The following MPP1 variants were observed in gnomAD, a reference collection of about 807,000 sequenced individuals.
The protein encoded by MPP1 is MAGUK p55 scaffold protein 1, also known as 55 kDa erythrocyte membrane protein.
A neutral mutation model predicts 38.2 loss-of-function variants in MPP1; 6 were observed. The observed-to-expected ratio is 0.16, with a 90% CI of 0.09 to 0.31. The LOEUF is 0.31. MPP1 is among the 10% of genes least tolerant of loss of function. The pLI, the probability that MPP1 is intolerant of heterozygous loss-of-function variation, is 1.00. For missense variants in MPP1, 293 were observed against 368.9 expected (o/e 0.79, Z 1.69); for synonymous variants, 153 against 146.3 (o/e 1.05, Z -0.33).
chrX:154,793,522 C>T (rs2072164562), intron 1 of MPP1, among the ~76,000 whole-genome samples: 1 of 111,762 alleles, frequency 8.9e-6, no homozygotes, highest in Non-Finnish European at 1.9e-5. Flanking sequence ...GATAGATGGG[C>T]AGTTTTTGGA....
In MPP1 at chrX:154,792,247, C is replaced by T; in HGVS notation, c.141G>A (p.Met47Ile). 1 of 1,211,673 alleles carries T rather than the reference C, an allele frequency of 8.3e-7. No homozygotes were observed. Among genetic ancestry groups the T allele is most frequent in the South Asian group, 1.8e-5 (1 of 56,984 alleles). Residue 47 changes from methionine (M) to isoleucine (I), a missense_variant, in exon 2 of 12, where the codon ATG becomes ATA. By Grantham distance (10) the Met-to-Ile change is conservative. Transcript: ENST00000369534. ...SHPLNTVTED[M>I]YTNGSPAPGS... ...CTGGGGCAGGAGACCCGTTGGTGTA[C>T]ATGTCCTCGGTCACAGTATTCAATG...
rs2148545597 is a variant in MPP1 at position 154,805,429 on chromosome X, GC to G, written c.-57del. 2 of 1,076,197 alleles carry G rather than the reference GC, an allele frequency of 1.9e-6. No individual in the cohort carries two copies. Among genetic ancestry groups the G allele is most frequent in the East Asian group, 6.7e-5 (2 of 29,871 alleles). 88.7% of individuals were successfully genotyped at this position (1,076,197 alleles called of 1,213,427 possible). A position where few individuals can be genotyped will look rare whatever the true frequency, so the allele number is the denominator to read the frequency against. On this transcript the variant is annotated 5_prime_UTR_variant, in exon 1 of 12. Transcript: ENST00000369534. ...ACAGGGCAGCGCTGGGAATGACAGG[GC>G]CCGGGGCCTGCGGGGCTGCGGAGAA...
intron 5 of MPP1, among the ~76,000 whole-genome samples, chrX:154,787,552 T>C (rs782423979): frequency 5.2e-4 from 58 of 112,144 alleles, no homozygotes; most frequent in Non-Finnish European, 1.0e-3. Flanking sequence ...AAACTTGGAA[T>C]AGAAGGGAGG....
At chrX:154,779,407 A>T (rs2071962238) in intron 11 of MPP1, 54 bp from the exon 12 acceptor site, 13 of 1,103,816 alleles carry the variant, frequency 1.2e-5, no homozygotes, top group Non-Finnish European at 1.6e-5. Flanking sequence ...CAGCCCAGAG[A>T]GGCCAGTGAC....
At chrX:154,794,966 G>A (rs1239412953) in intron 1 of MPP1, among the ~76,000 whole-genome samples, 1 of 111,670 alleles carries the variant, frequency 9.0e-6, no homozygotes, top group African/African-American at 3.3e-5. Flanking sequence ...GCTGAGTGTG[G>A]TGGTGCAAGC....
chrX:154,801,752 C>G (rs2728539), intron 1 of MPP1, among the ~76,000 whole-genome samples: 1 of 25,652 alleles, frequency 3.9e-5, no homozygotes, highest in Non-Finnish European at 7.6e-5. Flanking sequence ...GAGCAAAACT[C>G]TGTCTCAAAA....
intron 9 of MPP1, 183 bp downstream of exon 9, chrX:154,783,244 A>G (rs1557266818): frequency 8.1e-6 from 2 of 247,708 alleles, no homozygotes. Flanking sequence ...CAATAAGAAA[A>G]CAGTTATTCT....
rs184367383 is a variant in MPP1 at position 154,799,817 on chromosome X, C to T, written c.102+5455G>A. 2.8e-4 allele frequency: 322 copies of T among 1,164,177 alleles called. 2 individuals are homozygous for T. The East Asian group carries it at 0.01, about 37-fold the overall frequency. On this transcript the variant is annotated intron_variant, in intron 1 of 11. Coordinates refer to ENST00000369534, the MANE Select transcript of MPP1 (RefSeq NM_002436.4). ...CAGACAAAGTGCTGGAGTGGCAATG[C>T]CTGCCGCTCTGAAAGCCCCTTCAGA...
intron 5 of MPP1, 152 bp from the exon 6 acceptor site, chrX:154,786,552 C>G: frequency 1.9e-6 from 1 of 527,721 alleles, no homozygotes; most frequent in Non-Finnish European, 3.1e-6. Context: ...GAAATTGAAA[C>G]GCTGAAGTGA....
chrX:154,792,042 A>G, intron 2 of MPP1, 100 bp downstream of exon 2: 1 of 1,123,485 alleles, frequency 8.9e-7, no homozygotes, highest in East Asian at 3.0e-5. Flanking sequence ...GGGTTGGCCA[A>G]TTCCCTAACT....
At chrX:154,797,947 A>G (rs962660202) in intron 1 of MPP1, among the ~76,000 whole-genome samples, 6 of 112,626 alleles carry the variant, frequency 5.3e-5, no homozygotes, top group African/African-American at 1.9e-4. Context: ...TAATTAGAAA[A>G]TGGGCAAAAA....
intron 6 of MPP1, 122 bp from the exon 7 acceptor site, chrX:154,785,279 T>C (rs1239065856): frequency 2.0e-6 from 1 of 506,786 alleles, no homozygotes; most frequent in Admixed American, 4.4e-5. Flanking sequence ...TGGGAGATAA[T>C]GTGTGCAAAG....
chrX:154,783,755 A>G (rs1408960121), intron 8 of MPP1: 12 of 429,562 alleles, frequency 2.8e-5, no homozygotes, highest in Non-Finnish European at 4.4e-5. Context: ...AGGGAGATTT[A>G]CAAAGCGTAT....
chrX:154,799,965 G>A, intron 1 of MPP1: 4 of 912,792 alleles, frequency 4.4e-6, no homozygotes, highest in East Asian at 7.0e-5. Flanking sequence ...TAGAGCAGGG[G>A]CAACTGAAGT....
chrX:154,798,563 G>GTT (rs782361082), intron 1 of MPP1, among the ~76,000 whole-genome samples: 10 of 111,518 alleles, frequency 9.0e-5, no homozygotes, highest in Non-Finnish European at 1.5e-4. Flanking sequence ...TTCCTAAAAT[G>GTT]ACAAAATCAT....
At chrX:154,787,131 CACACACACACACACA>C (rs2072087391) in intron 5 of MPP1, among the ~76,000 whole-genome samples, 2 of 107,609 alleles carry the variant, frequency 1.9e-5, no homozygotes, top group African/African-American at 6.9e-5. Flanking sequence ...CACACACACA[CACACACACACACACA>C]CCTACCTCAT....
chrX:154,783,338 A>T (rs912662335), intron 9 of MPP1, 89 bp downstream of exon 9: 3 of 481,729 alleles, frequency 6.2e-6, no homozygotes, highest in Non-Finnish European at 9.2e-6. Context: ...AAAATAATTT[A>T]AAAAATAATA....
At chrX:154,783,602 G>A (rs1174352616) in intron 8 of MPP1, 95 bp from the exon 9 acceptor site, 14 of 727,662 alleles carry the variant, frequency 1.9e-5, no homozygotes, top group Non-Finnish European at 2.7e-5. Context: ...ACTGCCAACA[G>A]GTGAACATGA....
chrX:154,785,218 G>A (rs1557267097), intron 6 of MPP1, 61 bp from the exon 7 acceptor site: 1 of 602,498 alleles, frequency 1.7e-6, no homozygotes, highest in Non-Finnish European at 2.2e-6. Context: ...ACCCCCCCCA[G>A]CCACTCAGTC....
Sources: allele counts gnomAD v4.1 joint callset (sites outside exome capture counted in the v4.1 genomes callset), GRCh38; gene constraint gnomAD v4.1.1; transcripts MANE v1.5; gene names NCBI Gene and HGNC (gene_info 2026-07-23, HGNC 2026-07-21).